Variants in PATZ1 observed in about 807,000 individuals in gnomAD.
PATZ1 encodes POZ-, AT hook-, and zinc finger-containing protein 1.
In PATZ1, 9 loss-of-function variants were observed where a neutral mutation model predicts 46.2. The observed-to-expected ratio is 0.19, with a 90% confidence interval of 0.12 to 0.34. The LOEUF is 0.34. Among genes scored for constraint, PATZ1 ranks in the 10% least tolerant of loss-of-function variants. The pLI is 1.00. For synonymous variants in PATZ1, 426 were observed against 378.6 expected (o/e 1.13, Z -1.45); for missense variants, 632 against 923.0 (o/e 0.68, Z 4.08).
intron 1 of PATZ1, among the ~76,000 whole-genome samples, 191 bp downstream of exon 1, chr22:31,344,141 T>C (rs1406629041): frequency 6.6e-6 from 1 of 152,108 alleles, no homozygotes; most frequent in African/African-American, 2.4e-5. Flanking sequence ...AAAACTTCCC[T>C]GAGGGAATGG....
At chr22:31,343,330 C>G (rs2049606906) in intron 1 of PATZ1, 1 of 1,004,812 alleles carries the variant, frequency 1.0e-6, no homozygotes, top group African/African-American at 1.7e-5. Flanking sequence ...ATTGTCCAGA[C>G]TAAAGCCCCT....
intron 2 of PATZ1, 73 bp from the exon 3 acceptor site, chr22:31,335,936 T>G (rs2049503768): frequency 3.5e-6 from 5 of 1,436,932 alleles, no homozygotes; most frequent in Middle Eastern, 3.6e-4. Context: ...AAGTGCACCA[T>G]GAAGCAAAGG....
At position 31,326,339 on chromosome 22, in the gene PATZ1, C is replaced by G. The variant is rs533490874; in HGVS notation, c.*552G>C. 3.8e-4 allele frequency: 88 copies of G among 230,712 alleles called. No individual in the cohort carries two copies. In the Middle Eastern group the frequency reaches 3.9e-3, roughly 10 times the overall value. 14.3% of individuals were successfully genotyped at this position (230,712 alleles called of 1,614,324 possible). ...TCAGAAAGGTCTGGAGCCCTCCAGG[C>G]AGAGGGCTGAGCTCAGGGGGCTCTT... On this transcript the variant is annotated 3_prime_UTR_variant, in exon 5 of 5. Coordinates refer to ENST00000266269, the MANE Select transcript of PATZ1 (RefSeq NM_014323.3).
intron 3 of PATZ1, among the ~76,000 whole-genome samples, chr22:31,330,448 G>A (rs199744908): frequency 1.3e-5 from 2 of 152,242 alleles, no homozygotes; most frequent in East Asian, 3.9e-4. Flanking sequence ...CCTGTAAGCT[G>A]AGATCATGCC....
At chr22:31,340,594 G>A in intron 2 of PATZ1, 1 of 751,202 alleles carries the variant, frequency 1.3e-6, no homozygotes. Flanking sequence ...GGGAGGGGCA[G>A]GGCAGGAGCG....
At position 31,327,248 on chromosome 22, in the gene PATZ1, T is replaced by C; in HGVS notation, c.1707A>G (p.Ser569=). The change falls in exon 5 of 5, where the codon TCA becomes TCG. Residue 569 remains serine, a synonymous_variant. Coordinates refer to ENST00000266269, the MANE Select transcript of PATZ1 (RefSeq NM_014323.3). This position sits in a 1 kb window ranked among gnomAD's most constrained non-coding sequence, Gnocchi z 4.2. ...CTGGCGTCTTCAGGTCGCTGGCATC[T>C]GAGAGGTCACCATAGGAGTCAGAGC... ...IESSDSYGDL[S]DASDLKTPEK... 6.2e-7 allele frequency: 1 copy of C among 1,614,204 alleles called. No individual in the cohort carries two copies. The highest frequency in any genetic ancestry group is 8.5e-7 in the Non-Finnish European group (1 of 1,180,016).
intron 3 of PATZ1, 152 bp from the exon 4 acceptor site, chr22:31,329,076 A>G (rs1601482427): frequency 2.8e-6 from 2 of 709,622 alleles, no homozygotes; most frequent in East Asian, 5.5e-5. Context: ...GGCTGCAACC[A>G]CATGAGCCAT....
Position 31,329,074 on chromosome 22 carries a change from C to A in PATZ1, c.1508-150G>T, listed in dbSNP as rs185367682. ...CCTCCTGGCTCAAAAATGGCTGCAA[C>A]CACATGAGCCATGTGACTCAGGATG... On this transcript the variant is annotated intron_variant, in intron 3 of 4. Coordinates refer to ENST00000266269, the MANE Select transcript of PATZ1 (RefSeq NM_014323.3). The A allele has an allele frequency of 1.2e-4, 85 of 707,852 alleles. No homozygotes were observed. The African/African-American group carries it at 1.4e-3, about 12-fold the overall frequency. 43.8% of individuals were successfully genotyped at this position (707,852 alleles called of 1,614,324 possible). A position where few individuals can be genotyped will look rare whatever the true frequency, so the allele number is the denominator to read the frequency against.
At chr22:31,337,217 A>G (rs1165020221) in intron 2 of PATZ1, among the ~76,000 whole-genome samples, 1 of 152,174 alleles carries the variant, frequency 6.6e-6, no homozygotes, top group Non-Finnish European at 1.5e-5. Flanking sequence ...CCAGGCAGGC[A>G]CGGTGCTCAG....
At position 31,335,864 on chromosome 22, in the gene PATZ1, C is replaced by A; in HGVS notation, c.1336-1G>T. On this transcript the variant is annotated splice_acceptor_variant, in intron 2 of 4. Transcript: ENST00000266269. LOFTEE classifies it high-confidence loss of function. ...GGGTGGCAAAAGAAGCATTGCAGGT[C>A]TGAAGGCAGAAAAGAAAATGGGATG... is the stretch of plus-strand genomic sequence containing the variant. 6.2e-7 allele frequency: 1 copy of A among 1,611,712 alleles called. No individual in the cohort carries two copies. The highest frequency in any genetic ancestry group is 1.1e-5 in the South Asian group (1 of 91,030).
chr22:31,345,727 G>C lies in PATZ1; in HGVS notation c.-125C>G. Reference sequence around the variant, plus strand: ...CCCACACGTGCCGGCCCGAGGCTCTGTAGTCTCGCAGGTGCGCCGAGTGTA... The same window carrying C: ...CCCACACGTGCCGGCCCGAGGCTCTCTAGTCTCGCAGGTGCGCCGAGTGTA... On this transcript the variant is annotated 5_prime_UTR_variant, in exon 1 of 5. Coordinates refer to ENST00000266269, the MANE Select transcript of PATZ1 (RefSeq NM_014323.3). This position sits in a 1 kb window ranked among gnomAD's most constrained non-coding sequence, Gnocchi z 7.4. The C allele has an allele frequency of 3.0e-6, 3 of 999,720 alleles. No homozygotes were observed. Among genetic ancestry groups the C allele is most frequent in the Non-Finnish European group, 4.3e-6 (3 of 704,380 alleles). 61.9% of individuals were successfully genotyped at this position (999,720 alleles called of 1,614,324 possible).
chr22:31,334,695 C>T (rs1377746819), intron 3 of PATZ1, among the ~76,000 whole-genome samples: 1 of 152,110 alleles, frequency 6.6e-6, no homozygotes, highest in African/African-American at 2.4e-5. Flanking sequence ...TATTCTTAAC[C>T]CCATTTGAGA....
At chr22:31,342,771 G>T in intron 2 of PATZ1, 126 bp downstream of exon 2, 1 of 908,272 alleles carries the variant, frequency 1.1e-6, no homozygotes, top group Non-Finnish European at 1.8e-6. Context: ...GAGGAACAGA[G>T]GGGAGGTGTG....
At chr22:31,344,020 G>A (rs781108023) in intron 1 of PATZ1, among the ~76,000 whole-genome samples, 13 of 152,160 alleles carry the variant, frequency 8.5e-5, no homozygotes, top group Non-Finnish European at 1.9e-4. Flanking sequence ...CCCCACGCCT[G>A]GTGCCGGAAA....
intron 1 of PATZ1, 102 bp downstream of exon 1, chr22:31,344,230 G>T: frequency 1.8e-6 from 2 of 1,089,308 alleles, no homozygotes; most frequent in Non-Finnish European, 2.7e-6. Flanking sequence ...GTTCTATAAG[G>T]TCAAATGACC....
At chr22:31,334,143 G>T (rs1228289219) in intron 3 of PATZ1, among the ~76,000 whole-genome samples, 1 of 152,180 alleles carries the variant, frequency 6.6e-6, no homozygotes, top group Non-Finnish European at 1.5e-5. Flanking sequence ...CGGGGGAGCT[G>T]TCAGGAAGCC....
At position 31,345,808 on chromosome 22, in the gene PATZ1, T is replaced by C. The variant is rs1470525378; in HGVS notation, c.-206A>G. The stretch of plus-strand genomic sequence containing the variant: ...ACTGCGGGGTGCACCACCCCCCACA[T>C]AGCCAACCCCCGCCCTCGCTGGACT... On this transcript the variant is annotated 5_prime_UTR_variant, in exon 1 of 5. It removes an upstream start codon present in the reference 5' UTR. Transcript: ENST00000266269. The surrounding 1 kb of genome is among the most constrained non-coding windows in gnomAD (Gnocchi z 7.4). 1.3e-5 allele frequency: 6 copies of C among 460,138 alleles called. No homozygotes were observed. Among genetic ancestry groups the C allele is most frequent in the South Asian group, 4.4e-5 (1 of 22,918 alleles). 28.5% of individuals were successfully genotyped at this position (460,138 alleles called of 1,614,324 possible).
chr22:31,341,154 G>A, intron 2 of PATZ1: 3 of 1,204,062 alleles, frequency 2.5e-6, no homozygotes, highest in Non-Finnish European at 3.1e-6. Flanking sequence ...GCCCAGGGGT[G>A]CCATCTGTGA....
rs747413910 is a variant in PATZ1, at chr22:31,328,909, G to C, written c.1523C>G (p.Ser508Cys). Reference protein sequence around the residue: ...SICNRGFSSASYLKVHVKTHH... With the variant: ...SICNRGFSSACYLKVHVKTHH... ...GGTTTTAACATGGACCTTTAAGTAG[G>C]AGGCAGAGGAGAAACCTAAACAAGA... The change falls in exon 4 of 5, where the codon TCC becomes TGC. Residue 508 changes from serine to cysteine, a missense_variant. By Grantham distance (112) the Ser-to-Cys change is moderately radical. Around this residue, in one of 7 missense-constraint regions of PATZ1, gnomAD observed 176 missense variants for 249.4 expected, o/e 0.71. Coordinates refer to ENST00000266269, the MANE Select transcript of PATZ1 (RefSeq NM_014323.3). This position sits in a 1 kb window ranked among gnomAD's most constrained non-coding sequence, Gnocchi z 4.8. 6.2e-7 allele frequency: 1 copy of C among 1,613,878 alleles called. No individual in the cohort carries two copies. The highest frequency in any genetic ancestry group is 1.1e-5 in the South Asian group (1 of 91,048).
Sources: gnomAD v4.1 joint callset for allele counts (sites outside exome capture counted in the v4.1 genomes callset) on GRCh38, gnomAD v4.1.1 for gene constraint, gnomAD v4.1.1 regional missense constraint, Gnocchi (gnomAD v3.1) non-coding constraint, MANE v1.5 for transcripts, NCBI Gene and HGNC (gene_info 2026-07-23, HGNC 2026-07-21) for gene names.